Variants in SLC24A2 observed in about 807,000 individuals in gnomAD.
SLC24A2 encodes solute carrier family 24 member 2, also known as sodium/potassium/calcium exchanger 2.
In SLC24A2, 36 loss-of-function variants were observed where a neutral mutation model predicts 62.0. The ratio of observed to expected loss-of-function variants is 0.58; its 90% CI spans 0.44 to 0.77. The LOEUF is 0.77. SLC24A2 is among the 30% of genes least tolerant of loss of function. SLC24A2 has a pLI of 0.00. For synonymous variants in SLC24A2, 358 were observed against 294.0 expected (o/e 1.22, Z -2.23); for missense variants, 846 against 817.9 (o/e 1.03, Z -0.42).
the SLC24A2 span, among the ~76,000 whole-genome samples, chr9:20,265,825 G>A: frequency 6.6e-6 from 1 of 152,172 alleles, no homozygotes; most frequent in African/African-American, 2.4e-5. Flanking sequence ...CTTTTTCTCA[G>A]CAAGGAACAT....
chr9:19,566,937 A>C (rs1302348172), intron 7 of SLC24A2, among the ~76,000 whole-genome samples: 4 of 151,466 alleles, frequency 2.6e-5, no homozygotes, highest in African/African-American at 7.3e-5. Context: ...AGGACGGGGA[A>C]CATCACACAC....
the SLC24A2 span, among the ~76,000 whole-genome samples, chr9:20,058,100 G>C: frequency 7.9e-5 from 12 of 152,288 alleles, no homozygotes; most frequent in African/African-American, 2.9e-4. Flanking sequence ...CTCACAACTA[G>C]AGATTTCTAA....
intron 8 of SLC24A2, among the ~76,000 whole-genome samples, chr9:19,546,451 C>T (rs1834576126): frequency 6.6e-6 from 1 of 152,082 alleles, no homozygotes; most frequent in African/African-American, 2.4e-5. Flanking sequence ...TGGGCTCCAC[C>T]CAGTTTGAAC....
At chr9:20,226,555 T>A in the SLC24A2 span, among the ~76,000 whole-genome samples, 1 of 152,158 alleles carries the variant, frequency 6.6e-6, no homozygotes, top group South Asian at 2.1e-4. Context: ...CGGCCAGAGA[T>A]GAATTGTGTG....
chr9:19,966,997 GCTTGA>G, the SLC24A2 span, among the ~76,000 whole-genome samples: 2 of 151,996 alleles, frequency 1.3e-5, no homozygotes, highest in Admixed American at 6.6e-5. Flanking sequence ...GATCTTTTCT[GCTTGA>G]CTTATTTTTT....
the SLC24A2 span, among the ~76,000 whole-genome samples, chr9:20,226,653 G>A: frequency 6.6e-6 from 1 of 151,880 alleles, no homozygotes; most frequent in African/African-American, 2.4e-5. Context: ...ACATGAAGCT[G>A]GAGCAATACC....
chr9:19,589,976 A>G (rs1213171039), intron 5 of SLC24A2, among the ~76,000 whole-genome samples: 1 of 152,082 alleles, frequency 6.6e-6, no homozygotes, highest in Non-Finnish European at 1.5e-5. Flanking sequence ...CCATCTTTGG[A>G]TATGTCTGTA....
At chr9:20,261,733 CTTTTTTTTTTT>C in the SLC24A2 span, among the ~76,000 whole-genome samples, 7 of 75,282 alleles carry the variant, frequency 9.3e-5, 1 homozygote, top group African/African-American at 3.2e-4. Context: ...AACACCAAAT[CTTTTTTTTTTT>C]TTTTTTTTTT....
chr9:19,564,401 G>C (rs1271183068), intron 7 of SLC24A2, among the ~76,000 whole-genome samples: 4 of 152,178 alleles, frequency 2.6e-5, no homozygotes, highest in Admixed American at 1.3e-4. Flanking sequence ...GGAGAAATAA[G>C]TCAGAGCTGA....
At chr9:20,175,099 T>A in the SLC24A2 span, among the ~76,000 whole-genome samples, 1 of 151,748 alleles carries the variant, frequency 6.6e-6, no homozygotes, top group Non-Finnish European at 1.5e-5. Flanking sequence ...CTGGATGATA[T>A]TGGAGACTAT....
chr9:19,895,933 A>G, the SLC24A2 span: 3 of 1,613,378 alleles, frequency 1.9e-6, no homozygotes, highest in East Asian at 6.7e-5. Flanking sequence ...CATCAGGTCA[A>G]ACAGCTGCAC....
chr9:19,875,540 G>A, the SLC24A2 span, among the ~76,000 whole-genome samples: 105 of 152,222 alleles, frequency 6.9e-4, no homozygotes, highest in Middle Eastern at 3.4e-3. Flanking sequence ...ATCTGTGAGC[G>A]GAATATCAAG....
At chr9:19,793,282 A>C (rs570201172), upstream of SLC24A2, among the ~76,000 whole-genome samples, 187 of 152,322 alleles carry the variant, frequency 1.2e-3, no homozygotes, top group African/African-American at 4.1e-3. Context: ...CCTAACTCCT[A>C]ACCCCAAGCT....
chr9:19,565,034 TCCCTTTGAAAACTGGC>T (rs1835589636), intron 7 of SLC24A2, among the ~76,000 whole-genome samples: 1 of 152,090 alleles, frequency 6.6e-6, no homozygotes, highest in South Asian at 2.1e-4. Context: ...CTGGAAGCAT[TCCCTTTGAAAACTGGC>T]ACAAGACAGG....
At chr9:20,207,462 T>G in the SLC24A2 span, among the ~76,000 whole-genome samples, 2 of 152,208 alleles carry the variant, frequency 1.3e-5, no homozygotes, top group African/African-American at 4.8e-5. Flanking sequence ...TTCTGAACCT[T>G]TAAGATTAAA....
chr9:20,293,948 G>A, the SLC24A2 span, among the ~76,000 whole-genome samples: 1 of 152,116 alleles, frequency 6.6e-6, no homozygotes, highest in East Asian at 1.9e-4. Context: ...GACACCCTGA[G>A]CCTGGACAAT....
the SLC24A2 span, among the ~76,000 whole-genome samples, chr9:20,269,489 G>C: frequency 7.9e-5 from 12 of 152,100 alleles, no homozygotes; most frequent in Non-Finnish European, 1.6e-4. Context: ...AGGCAGGTGG[G>C]GTACAGTAAG....
intron 2 of SLC24A2, among the ~76,000 whole-genome samples, chr9:19,715,723 T>G (rs1355587514): frequency 6.6e-6 from 1 of 152,200 alleles, no homozygotes; most frequent in African/African-American, 2.4e-5. Flanking sequence ...ATGCATTCTC[T>G]TGAAGAAAGA....
chr9:19,566,541 G>T (rs1835659294), intron 7 of SLC24A2, among the ~76,000 whole-genome samples: 1 of 151,918 alleles, frequency 6.6e-6, no homozygotes, highest in Admixed American at 6.6e-5. Flanking sequence ...AACCATTGTG[G>T]AAGACAGTGT....
Sources: allele counts gnomAD v4.1 joint callset (sites outside exome capture counted in the v4.1 genomes callset), GRCh38; gene constraint gnomAD v4.1.1; transcripts MANE v1.5; gene names NCBI Gene and HGNC (gene_info 2026-07-23, HGNC 2026-07-21).